The following TARS1 variants were observed in gnomAD, a reference collection of about 807,000 sequenced individuals.
TARS1 encodes the protein threonine--tRNA ligase 1, cytoplasmic.
In TARS1, 57 loss-of-function variants were observed where a neutral mutation model predicts 97.7. The observed-to-expected ratio is 0.58, with a 90% confidence interval of 0.47 to 0.73. The LOEUF (loss-of-function observed/expected upper bound fraction) is 0.73. Ranked by LOEUF, TARS1 falls within the 30% of genes least tolerant of loss-of-function variation. The probability of loss-of-function intolerance (pLI) is 0.00; values close to 1 mark genes in which losing one functional copy is unlikely to be tolerated. For missense variants in TARS1, 806 were observed against 888.3 expected (o/e 0.91, Z 1.18); for synonymous variants, 312 against 293.7 (o/e 1.06, Z -0.64).
Position 33,441,027 on chromosome 5 carries a change from C to A in TARS1, c.-60C>A, listed in dbSNP as rs1741059148. On this transcript the variant is annotated 5_prime_UTR_variant, in exon 1 of 19. Coordinates refer to ENST00000265112, the MANE Select transcript of TARS1 (RefSeq NM_152295.5). ...GCGCTAGCCCACCTCCCACCCGCCT[C>A]TTGGCTCCTCTCCTCTAGGCCGTCG... 3 of 1,610,922 alleles carry A rather than the reference C, an allele frequency of 1.9e-6. No individual in the cohort carries two copies. The highest frequency in any genetic ancestry group is 2.5e-6 in the Non-Finnish European group (3 of 1,177,792).
chr5:33,466,722 G>T (rs1742543293), intron 17 of TARS1, 149 bp from the exon 18 acceptor site: 1 of 466,006 alleles, frequency 2.1e-6, no homozygotes, highest in African/African-American at 2.0e-5. Context: ...TAATGGCAGT[G>T]AATAATATTA....
In TARS1 at chr5:33,463,837, A is replaced by G. The variant is rs773385296; in HGVS notation, c.1908+12A>G. The G allele has an allele frequency of 1.1e-5, 17 of 1,604,028 alleles. No homozygotes were observed. The highest frequency in any genetic ancestry group is 3.4e-5 in the Admixed American group (2 of 59,434). On this transcript the variant is annotated intron_variant, in intron 17 of 18. Coordinates refer to ENST00000265112, the MANE Select transcript of TARS1 (RefSeq NM_152295.5). The stretch of plus-strand genomic sequence containing the variant: ...AATATGCCCAAAAGGTAAGCCTTAG[A>G]TATGAATTTTCTTTCAATTTAACAT...
In TARS1 at chr5:33,441,027, C is replaced by T; in HGVS notation, c.-60C>T. 1 of 1,611,040 alleles carries T rather than the reference C, an allele frequency of 6.2e-7. No homozygotes were observed. Among genetic ancestry groups the T allele is most frequent in the South Asian group, 1.1e-5 (1 of 90,944 alleles). On this transcript the variant is annotated 5_prime_UTR_variant, in exon 1 of 19. Transcript: ENST00000265112. ...GCGCTAGCCCACCTCCCACCCGCCT[C>T]TTGGCTCCTCTCCTCTAGGCCGTCG...
At chr5:33,456,105 A>G (rs3765144) in intron 7 of TARS1, 39 bp downstream of exon 7, 235,838 of 1,612,116 alleles carry the variant, frequency 0.15, 18,626 homozygotes, top group South Asian at 0.25. Flanking sequence ...TCTGGTATGT[A>G]TGTCATTTTG....
chr5:33,460,873 T>G, intron 11 of TARS1, 29 bp from the exon 12 acceptor site: 1 of 1,611,854 alleles, frequency 6.2e-7, no homozygotes, highest in Non-Finnish European at 8.5e-7. Flanking sequence ...TATTCTTAAG[T>G]GTCCGTGGAC....
At chr5:33,445,568 G>A (rs2111928342) in intron 2 of TARS1, among the ~76,000 whole-genome samples, 164 bp downstream of exon 2, 1 of 152,276 alleles carries the variant, frequency 6.6e-6, no homozygotes, top group Non-Finnish European at 1.5e-5. Context: ...GGTAATCTGA[G>A]AGGGGAAAAA....
At chr5:33,457,436 A>C (rs760203991) in intron 9 of TARS1, 33 bp downstream of exon 9, 24 of 1,584,894 alleles carry the variant, frequency 1.5e-5, no homozygotes, top group Non-Finnish European at 2.1e-5. Flanking sequence ...GTCTTGACTG[A>C]GTTTTCTTCA....
intron 3 of TARS1, 39 bp downstream of exon 3, chr5:33,448,770 G>T: frequency 2.8e-6 from 4 of 1,438,902 alleles, no homozygotes; most frequent in Non-Finnish European, 3.7e-6. Context: ...ATAGTTTGTG[G>T]TCTAACTAAA....
At chr5:33,450,577 T>C (rs1741684461) in intron 3 of TARS1, among the ~76,000 whole-genome samples, 1 of 152,204 alleles carries the variant, frequency 6.6e-6, no homozygotes, top group African/African-American at 2.4e-5. Context: ...TGTGAGAGCA[T>C]AGAGAACTGG....
At chr5:33,449,667 G>C (rs1205758106) in intron 3 of TARS1, among the ~76,000 whole-genome samples, 1 of 151,800 alleles carries the variant, frequency 6.6e-6, no homozygotes, top group African/African-American at 2.4e-5. Flanking sequence ...GTGCTAGCCA[G>C]GATGGTCTCG....
intron 3 of TARS1, 53 bp from the exon 4 acceptor site, chr5:33,453,236 A>G: frequency 7.0e-7 from 1 of 1,434,890 alleles, no homozygotes; most frequent in Non-Finnish European, 9.1e-7. Flanking sequence ...TTCAAATTAG[A>G]TTCGTGTGTA....
In TARS1 at chr5:33,455,987, T is replaced by G. The variant is rs745368313; in HGVS notation, c.694-15T>G. 7.2e-5 allele frequency: 116 copies of G among 1,611,234 alleles called. No individual in the cohort carries two copies. The highest frequency in any genetic ancestry group is 1.7e-4 in the Middle Eastern group (1 of 5,958). ...AAGGACAGTTTTTTAAAATAATAAT[T>G]TTTCCTGTTTTCAGTACAACAAGTT... On this transcript the variant is annotated splice_polypyrimidine_tract_variant and intron_variant, in intron 6 of 18. Coordinates refer to ENST00000265112, the MANE Select transcript of TARS1 (RefSeq NM_152295.5).
chr5:33,455,947 TAGA>T (rs1481013225), intron 6 of TARS1, 52 bp from the exon 7 acceptor site: 14 of 1,497,952 alleles, frequency 9.3e-6, no homozygotes, highest in Middle Eastern at 1.9e-4. Flanking sequence ...CTATAGTACT[TAGA>T]AGTAAAAATT....
rs1223432365 is a variant in TARS1, at chr5:33,460,933, C to T, written c.1282C>T (p.Arg428Ter). 4.3e-6 allele frequency: 7 copies of T among 1,614,000 alleles called. No individual in the cohort carries two copies. Among genetic ancestry groups the T allele is most frequent in the East Asian group, 2.2e-5 (1 of 44,892 alleles). Residue 428 changes from arginine (R) to a stop codon, truncating the protein, a stop_gained, in exon 12 of 19, where the codon CGA becomes TGA. Coordinates refer to ENST00000265112, the MANE Select transcript of TARS1 (RefSeq NM_152295.5). LOFTEE classifies it high-confidence loss of function. ...LMFDHRPRSW[R>*]ELPLRLADFG... is the part of the protein sequence containing the mutation. ...GTTTGATCATCGGCCAAGGTCCTGG[C>T]GAGAACTGCCTCTGCGGCTAGCTGA...
At chr5:33,464,803 CGTGGTGGCTCACGCCT>C (rs1742455438) in intron 17 of TARS1, among the ~76,000 whole-genome samples, 1 of 151,992 alleles carries the variant, frequency 6.6e-6, no homozygotes, top group Admixed American at 6.6e-5. Context: ...GTGGGCCAGG[CGTGGTGGCTCACGCCT>C]GTAATCCCAG....
chr5:33,459,467 T>C (rs959242782), intron 10 of TARS1, among the ~76,000 whole-genome samples: 5 of 152,230 alleles, frequency 3.3e-5, no homozygotes, highest in African/African-American at 7.2e-5. Context: ...TGATGTATAA[T>C]TGTCCCTTAT....
chr5:33,459,699 A>T lies in TARS1; in HGVS notation c.1088A>T (p.Glu363Val). The T allele has an allele frequency of 3.1e-6, 5 of 1,614,084 alleles. No homozygotes were observed. Among genetic ancestry groups the T allele is most frequent in the Non-Finnish European group, 4.2e-6 (5 of 1,179,974 alleles). ...TTTCTGTTTATTTTCTATCAGAGCG[A>T]ATATAGGAAAAGAGGATTCCAGGAG... ...YNALIEFIRSEYRKRGFQEVV... is the reference protein window; with the variant it reads ...YNALIEFIRSVYRKRGFQEVV... The change falls in exon 11 of 19, where the codon GAA (glutamate) becomes GTA (valine). Residue 363 changes from glutamate to valine, a missense_variant. Physicochemically the swap from Glu to Val is moderately radical, Grantham distance 121. Coordinates refer to ENST00000265112, the MANE Select transcript of TARS1 (RefSeq NM_152295.5).
In TARS1 at chr5:33,445,388, A is replaced by T. The variant is rs749081016; in HGVS notation, c.122A>T (p.Asp41Val). Residue 41 changes from aspartate to valine, a missense_variant, in exon 2 of 19, where the codon GAT becomes GTT. By Grantham distance (152) the Asp-to-Val change is radical. Coordinates refer to ENST00000265112, the MANE Select transcript of TARS1 (RefSeq NM_152295.5). ...AAGAAGAACAAAGAAGGATCTGGAG[A>T]TGGAGGTCGAGCTGAGGTAAAAGTT... ...GKKKNKEGSG[D>V]GGRAELNPWP... 1.2e-6 allele frequency: 2 copies of T among 1,613,282 alleles called. No homozygotes were observed. The highest frequency in any genetic ancestry group is 4.5e-5 in the East Asian group (2 of 44,834).
chr5:33,457,236 A>G, intron 8 of TARS1, 21 bp from the exon 9 acceptor site: 3 of 1,606,000 alleles, frequency 1.9e-6, no homozygotes, highest in East Asian at 4.5e-5. Flanking sequence ...ATGTTGTTTC[A>G]TGGTTAATCC....
Sources: allele counts gnomAD v4.1 joint callset (sites outside exome capture counted in the v4.1 genomes callset), GRCh38; gene constraint gnomAD v4.1.1; transcripts MANE v1.5; gene names NCBI Gene and HGNC (gene_info 2026-07-23, HGNC 2026-07-21).